The following SLC4A4 variants were observed in gnomAD, a reference collection of about 807,000 sequenced individuals.
SLC4A4 encodes electrogenic sodium bicarbonate cotransporter 1.
A neutral mutation model predicts 111.5 loss-of-function variants in SLC4A4; 27 were observed. That is an observed-to-expected ratio of 0.24 (90% confidence interval 0.18 to 0.33). The LOEUF (loss-of-function observed/expected upper bound fraction) is 0.33, where lower values mean the gene tolerates loss of function less well. Ranked by LOEUF, SLC4A4 falls within the 10% of genes least tolerant of loss-of-function variation. The pLI, the probability that SLC4A4 is intolerant of heterozygous loss-of-function variation, is 1.00. For missense variants in SLC4A4, 909 were observed against 1,315.5 expected, an observed-to-expected ratio of 0.69 and a Z score of 4.78; for synonymous variants, 443 against 463.4, an observed-to-expected ratio of 0.96 and a Z score of 0.57.
intron 16 of SLC4A4, among the ~76,000 whole-genome samples, chr4:71,503,587 T>C (rs930325929): frequency 5.3e-5 from 8 of 152,106 alleles, no homozygotes; most frequent in Non-Finnish European, 1.0e-4. Flanking sequence ...ACTTTTTTGC[T>C]CCCTCCCACA....
chr4:71,288,692 C>T (rs1488903129), intron 3 of SLC4A4, among the ~76,000 whole-genome samples: 1 of 151,964 alleles, frequency 6.6e-6, no homozygotes, highest in Non-Finnish European at 1.5e-5. Flanking sequence ...AACCACTGTG[C>T]CTGGCCTAGG....
At chr4:71,187,968 A>G (rs1352152540) in intron 1 of SLC4A4, among the ~76,000 whole-genome samples, 1 of 152,242 alleles carries the variant, frequency 6.6e-6, no homozygotes, top group Non-Finnish European at 1.5e-5. Context: ...CAAGTGGCAC[A>G]CACACATTTA....
In SLC4A4 at chr4:71,453,583, T is replaced by C. The variant is rs1437832706; in HGVS notation, c.1411T>C (p.Ser471Pro). Residue 471 changes from serine (S) to proline (P), a missense_variant, in exon 12 of 26, where the codon TCG becomes CCG. Physicochemically the swap from Ser to Pro is moderately conservative, Grantham distance 74. This residue lies in a region of SLC4A4 where 312 missense variants were observed against 402.0 expected (regional missense o/e 0.78). Coordinates refer to ENST00000264485, the MANE Select transcript of SLC4A4 (RefSeq NM_001098484.3). ...TGATGCTTTAAATATTCAAGCTCTT[T>C]CGGCAATTCTCTTCATTTATCTGGC... is the stretch of plus-strand genomic sequence containing the variant. Reference protein sequence around the residue: ...FYDALNIQALSAILFIYLATV... With the variant: ...FYDALNIQALPAILFIYLATV... The C allele has an allele frequency of 1.6e-5, 26 of 1,613,996 alleles. No individual in the cohort carries two copies. Among genetic ancestry groups the C allele is most frequent in the Non-Finnish European group, 2.0e-5 (24 of 1,179,900 alleles).
intron 7 of SLC4A4, among the ~76,000 whole-genome samples, chr4:71,431,218 CAG>C (rs34225946): frequency 0.61 from 93,071 of 151,688 alleles, 31,015 homozygotes; most frequent in Non-Finnish European, 0.75. Context: ...ATAAGGAAAA[CAG>C]TATGTTTGAC....
Position 71,303,084 on chromosome 4 carries a change from A to G in SLC4A4, c.254-36286A>G, listed in dbSNP as rs990969616. 2.0e-5 allele frequency among the ~76,000 whole-genome samples: 3 copies of G among 152,218 alleles called. No individual in the cohort carries two copies. In the East Asian group the frequency reaches 5.8e-4, roughly 29 times the overall value. ...TTTTTCTCTCCATAAAGTAATTTCC[A>G]TCAGACCTCATTTTCCTCTGCTTTA... On this transcript the variant is annotated intron_variant, in intron 3 of 25. Coordinates refer to ENST00000264485, the MANE Select transcript of SLC4A4 (RefSeq NM_001098484.3).
At position 71,451,244 on chromosome 4, in the gene SLC4A4, A is replaced by G; in HGVS notation, c.1265A>G (p.Asp422Gly). The change falls in exon 11 of 26, where the codon GAT becomes GGT. Residue 422 changes from aspartate to glycine, a missense_variant. Transcript: ENST00000264485. ...CAGATGAATGGGGATACGCCCCATG[A>G]TGGAGGTCACGGAGGAGGAGGACAT... ...NVQMNGDTPH[D>G]GGHGGGGHGD... is the part of the protein sequence containing the mutation. The G allele has an allele frequency of 3.7e-6, 6 of 1,613,654 alleles. No homozygotes were observed. In the South Asian group the frequency reaches 6.6e-5, roughly 18 times the overall value.
At chr4:71,370,193 A>G (rs2148931852) in intron 6 of SLC4A4, among the ~76,000 whole-genome samples, 1 of 152,332 alleles carries the variant, frequency 6.6e-6, no homozygotes, top group South Asian at 2.1e-4. Flanking sequence ...AGAAATTAGA[A>G]AGGTTAAGTA....
intron 6 of SLC4A4, among the ~76,000 whole-genome samples, chr4:71,389,438 T>C (rs1719065145): frequency 6.6e-6 from 1 of 152,212 alleles, no homozygotes; most frequent in Non-Finnish European, 1.5e-5. Flanking sequence ...TCCTTTCCTT[T>C]AGCTGAGATC....
At chr4:71,341,823 G>A (rs375865070) in intron 4 of SLC4A4, among the ~76,000 whole-genome samples, 13 of 152,116 alleles carry the variant, frequency 8.5e-5, no homozygotes, top group Middle Eastern at 3.4e-3. Context: ...GAGTTTCTAG[G>A]TAGCTTAGTC....
At chr4:71,372,623 T>G (rs542670139) in intron 6 of SLC4A4, among the ~76,000 whole-genome samples, 1 of 152,290 alleles carries the variant, frequency 6.6e-6, no homozygotes, top group South Asian at 2.1e-4. Context: ...GACTCTCAGG[T>G]CTGAACTTCA....
intron 1 of SLC4A4, among the ~76,000 whole-genome samples, chr4:71,232,888 G>C (rs578182754): frequency 2.0e-5 from 3 of 152,210 alleles, no homozygotes; most frequent in Non-Finnish European, 4.4e-5. Flanking sequence ...TCTATAGGTT[G>C]GAAAGGGTTA....
At chr4:71,453,358 C>A in intron 11 of SLC4A4, 137 bp from the exon 12 acceptor site, 1 of 886,504 alleles carries the variant, frequency 1.1e-6, no homozygotes. Flanking sequence ...CTGGTTTCAT[C>A]GTAAGTGGTT....
chr4:71,221,925 C>T (rs1267273230), intron 1 of SLC4A4, among the ~76,000 whole-genome samples: 1 of 152,126 alleles, frequency 6.6e-6, no homozygotes, highest in Non-Finnish European at 1.5e-5. Flanking sequence ...GGATTCTGAT[C>T]CAGCAGACCC....
At chr4:71,090,866 G>A (rs1267208332) in intron 1 of SLC4A4, among the ~76,000 whole-genome samples, 1 of 152,236 alleles carries the variant, frequency 6.6e-6, no homozygotes, top group African/African-American at 2.4e-5. Context: ...GATGCAGAAG[G>A]AAGTTGGGCC....
intron 24 of SLC4A4, among the ~76,000 whole-genome samples, 154 bp from the exon 25 acceptor site, chr4:71,566,850 A>G (rs1360941597): frequency 6.6e-6 from 1 of 151,820 alleles, no homozygotes; most frequent in Non-Finnish European, 1.5e-5. Context: ...TCATCACACT[A>G]GAGTCTTAGC....
At chr4:71,450,098 A>G (rs974632526) in intron 9 of SLC4A4, among the ~76,000 whole-genome samples, 4 of 152,204 alleles carry the variant, frequency 2.6e-5, no homozygotes, top group Admixed American at 1.3e-4. Flanking sequence ...CTGTATCAGT[A>G]GTGGTACATA....
At chr4:71,075,622 C>T (rs1189294407) in intron 1 of SLC4A4, among the ~76,000 whole-genome samples, 2 of 152,154 alleles carry the variant, frequency 1.3e-5, no homozygotes, top group Non-Finnish European at 2.9e-5. Context: ...ATGGCTCACT[C>T]CAGCTCTTCC....
chr4:71,481,755 TC>T, intron 14 of SLC4A4, among the ~76,000 whole-genome samples: 1 of 39,916 alleles, frequency 2.5e-5, no homozygotes, highest in South Asian at 6.3e-4. Flanking sequence ...CTTACAATAT[TC>T]ATTCCCTCAT....
At chr4:71,169,040 TG>T (rs1246862578) in intron 2 of SLC4A4, among the ~76,000 whole-genome samples, 1 of 152,040 alleles carries the variant, frequency 6.6e-6, no homozygotes, top group African/African-American at 2.4e-5. Flanking sequence ...TTTTTTGAGA[TG>T]GGGTTTCGCT....
Sources: allele counts gnomAD v4.1 joint callset (sites outside exome capture counted in the v4.1 genomes callset), GRCh38; gene constraint gnomAD v4.1.1; regional missense constraint gnomAD v4.1.1; transcripts MANE v1.5; gene names NCBI Gene and HGNC (gene_info 2026-07-23, HGNC 2026-07-21).